Variants in PFKP observed in about 807,000 individuals in gnomAD.
PFKP encodes phosphofructokinase, platelet.
Under a neutral mutation model 94.3 loss-of-function variants are expected in PFKP, and 101 were observed. The observed-to-expected ratio is 1.07, with a 90% CI of 0.91 to 1.26. The LOEUF is 1.26. Ranked by LOEUF, PFKP falls within the 50% of genes most tolerant of loss-of-function variation. The pLI is 0.00. For missense variants in PFKP, 1,145 were observed against 1,103.3 expected, an observed-to-expected ratio of 1.04 and a Z score of -0.53; for synonymous variants, 573 against 432.6, an observed-to-expected ratio of 1.32 and a Z score of -4.03.
rs552593067 is a variant in PFKP, at chr10:3,096,655, C to CCG, written c.187-2619_187-2618insGC. ...CATGCCTGCTTCCTTGTTTCCTTGC[C>CCG]CCCCCGAGCTTCATGGAAGTCAATC... On this transcript the variant is annotated intron_variant, in intron 2 of 21. Transcript: ENST00000381125. 5.8e-4 allele frequency among the ~76,000 whole-genome samples: 88 copies of CCG among 150,856 alleles called. 1 individual carries two copies. The South Asian group carries it at 0.017, about 29-fold the overall frequency.
chr10:3,100,892 C>T (rs1834935177), intron 3 of PFKP: 1 of 1,096,480 alleles, frequency 9.1e-7, no homozygotes, highest in East Asian at 2.4e-5. Flanking sequence ...ATCCCCCTGG[C>T]CCCAGGTTCC....
chr10:3,109,449 T>C lies in PFKP; in HGVS notation c.1058T>C (p.Val353Ala). ...CVVSLNGNHA[V>A]RLPLMECVQM... is the part of the protein sequence containing the mutation. ...GTGTCACTGAACGGGAACCACGCCG[T>C]GCGCCTGCCGCTGATGGAGTGCGTG... Residue 353 changes from valine to alanine, a missense_variant, in exon 10 of 22, where the codon GTG becomes GCG. By Grantham distance (64) the Val-to-Ala change is moderately conservative. Transcript: ENST00000381125. 1 of 1,606,618 alleles carries C rather than the reference T, an allele frequency of 6.2e-7. No homozygotes were observed. Among genetic ancestry groups the C allele is most frequent in the Non-Finnish European group, 8.5e-7 (1 of 1,179,830 alleles).
chr10:3,112,380 T>G, intron 11 of PFKP, 94 bp downstream of exon 11: 1 of 930,048 alleles, frequency 1.1e-6, no homozygotes, highest in Non-Finnish European at 1.8e-6. Flanking sequence ...GCTTATTCCA[T>G]GTCACTGTGA....
chr10:3,131,296 G>A (rs1273436842), intron 17 of PFKP, among the ~76,000 whole-genome samples: 1 of 151,940 alleles, frequency 6.6e-6, no homozygotes, highest in Non-Finnish European at 1.5e-5. Context: ...GTTCACTGTA[G>A]GATGTTTGCG....
chr10:3,089,460 C>T (rs11591423), intron 2 of PFKP, among the ~76,000 whole-genome samples: 10,733 of 152,000 alleles, frequency 0.071, 502 homozygotes, highest in Middle Eastern at 0.099. Context: ...GGGGTATATG[C>T]CCAGCAGTGG....
Position 3,101,307 on chromosome 10 carries a change from C to T in PFKP, c.265-58C>T, listed in dbSNP as rs185133589. On this transcript the variant is annotated intron_variant, in intron 3 of 21. Transcript: ENST00000381125. ...ATGTTTATAGTCGGCCTGTGTGTGC[C>T]ATCCACCTGGCGCTCTCTCAGACTG... 8.8e-5 allele frequency: 123 copies of T among 1,404,888 alleles called. No homozygotes were observed. In the African/African-American group the frequency reaches 1.3e-3, roughly 15 times the overall value. The allele number at this position is 1,404,888 out of a possible 1,614,324, so 87.0% of individuals were successfully genotyped here.
intron 3 of PFKP, chr10:3,100,862 CAAAAAAAAAA>C: frequency 3.1e-6 from 2 of 653,976 alleles, no homozygotes; most frequent in African/African-American, 2.5e-5. Flanking sequence ...GTATGTGGTG[CAAAAAAAAAA>C]AAAAAAAAAA....
intron 16 of PFKP, chr10:3,125,081 G>T: frequency 8.0e-7 from 1 of 1,242,750 alleles, no homozygotes; most frequent in Non-Finnish European, 1.0e-6. Flanking sequence ...CTAACCGCTT[G>T]GCCCTGCTGC....
chr10:3,110,171 G>A (rs973961851), intron 10 of PFKP, among the ~76,000 whole-genome samples: 4 of 152,074 alleles, frequency 2.6e-5, no homozygotes, highest in Admixed American at 1.3e-4. Context: ...AGGTGGCTGT[G>A]GAGTTAGCTG....
intron 2 of PFKP, among the ~76,000 whole-genome samples, chr10:3,082,834 C>T (rs1339965354): frequency 1.1e-4 from 17 of 152,186 alleles, no homozygotes; most frequent in Admixed American, 1.1e-3. Flanking sequence ...GCCTCAGTCT[C>T]ATGAGTAGAT....
intron 21 of PFKP, among the ~76,000 whole-genome samples, chr10:3,136,141 G>A (rs958896022): frequency 3.3e-5 from 5 of 152,176 alleles, no homozygotes; most frequent in Non-Finnish European, 7.3e-5. Flanking sequence ...ATGCACACCT[G>A]TAGTCCCAGC....
At chr10:3,073,735 G>C (rs546822899) in intron 1 of PFKP, among the ~76,000 whole-genome samples, 1 of 149,562 alleles carries the variant, frequency 6.7e-6, no homozygotes, top group South Asian at 2.2e-4. Context: ...GATTGAAAGG[G>C]TGGCATGCAG....
intron 1 of PFKP, among the ~76,000 whole-genome samples, chr10:3,072,674 A>C (rs1402723376): frequency 6.6e-6 from 1 of 151,952 alleles, no homozygotes; most frequent in Non-Finnish European, 1.5e-5. Context: ...CGAAAGAAGC[A>C]TGTTTTCCCC....
chr10:3,128,934 C>CT (rs1838254495), intron 16 of PFKP: 1 of 152,356 alleles, frequency 6.6e-6, no homozygotes, highest in South Asian at 2.1e-4. Context: ...GTGCCGGGAG[C>CT]AGGCGGGGCC....
intron 11 of PFKP, among the ~76,000 whole-genome samples, chr10:3,112,728 C>T (rs566183685): frequency 3.9e-5 from 6 of 152,162 alleles, no homozygotes; most frequent in African/African-American, 9.6e-5. Flanking sequence ...TCACCACATC[C>T]AGCTAATTTT....
At chr10:3,096,628 T>G (rs1277152566) in intron 2 of PFKP, among the ~76,000 whole-genome samples, 4 of 147,492 alleles carry the variant, frequency 2.7e-5, no homozygotes, top group African/African-American at 1.0e-4. Flanking sequence ...TGGCCCAGGC[T>G]ACATGCCTGC....
chr10:3,136,665 G>C lies in PFKP; in HGVS notation c.*86G>C. ...GTTATTTTATCAGCACTTTATGCAC[G>C]TATTATTGACATTAATACCTAATCG... On this transcript the variant is annotated 3_prime_UTR_variant, in exon 22 of 22. Coordinates refer to ENST00000381125, the MANE Select transcript of PFKP (RefSeq NM_002627.5). 2 of 1,446,992 alleles carry C rather than the reference G, an allele frequency of 1.4e-6. No homozygotes were observed. The highest frequency in any genetic ancestry group is 1.9e-6 in the Non-Finnish European group (2 of 1,052,122). 89.6% of individuals were successfully genotyped at this position (1,446,992 alleles called of 1,614,324 possible). A position where few individuals can be genotyped will look rare whatever the true frequency, so the allele number is the denominator to read the frequency against.
chr10:3,118,407 G>A (rs1296760716), intron 14 of PFKP, among the ~76,000 whole-genome samples: 1 of 152,168 alleles, frequency 6.6e-6, no homozygotes, highest in Non-Finnish European at 1.5e-5. Flanking sequence ...GGCGGAGCTT[G>A]CAGTGAGCTG....
intron 16 of PFKP, among the ~76,000 whole-genome samples, chr10:3,125,912 C>T (rs1237183326): frequency 6.6e-6 from 1 of 152,208 alleles, no homozygotes; most frequent in Non-Finnish European, 1.5e-5. Context: ...CAGCTGCAGA[C>T]AGGACGGTGG....
Sources: gnomAD v4.1 joint callset for allele counts (sites outside exome capture counted in the v4.1 genomes callset) on GRCh38, gnomAD v4.1.1 for gene constraint, MANE v1.5 for transcripts, NCBI Gene and HGNC (gene_info 2026-07-23, HGNC 2026-07-21) for gene names.